Variants in NCAM2 observed in about 807,000 individuals in gnomAD.
The protein encoded by NCAM2 is neural cell adhesion molecule 2.
Under a neutral mutation model 98.1 loss-of-function variants are expected in NCAM2, and 30 were observed. The observed-to-expected ratio is 0.31, with a 90% confidence interval of 0.23 to 0.41. The LOEUF is 0.41. Among genes scored for constraint, NCAM2 ranks in the 10% least tolerant of loss-of-function variants. The probability of loss-of-function intolerance (pLI) is 1.00; values close to 1 mark genes in which losing one functional copy is unlikely to be tolerated. For missense variants in NCAM2, 867 were observed against 1,005.8 expected (o/e 0.86, Z 1.87); for synonymous variants, 368 against 342.4 (o/e 1.07, Z -0.83).
chr21:21,452,658 T>TTA (rs1262371085), intron 12 of NCAM2, among the ~76,000 whole-genome samples: 1 of 111,570 alleles, frequency 9.0e-6, no homozygotes, highest in African/African-American at 3.6e-5. Flanking sequence ...AATATATATA[T>TTA]TATATATATT....
intron 16 of NCAM2, among the ~76,000 whole-genome samples, chr21:21,510,823 C>T (rs902073876): frequency 6.6e-6 from 1 of 151,928 alleles, no homozygotes; most frequent in African/African-American, 2.4e-5. Flanking sequence ...TAGCTATTAT[C>T]AGTGTACAGT....
intron 12 of NCAM2, among the ~76,000 whole-genome samples, chr21:21,457,793 C>T (rs1167258611): frequency 2.6e-5 from 4 of 151,984 alleles, no homozygotes; most frequent in Non-Finnish European, 5.9e-5. Flanking sequence ...TTCCTGACTG[C>T]TTATATTAAA....
intron 1 of NCAM2, among the ~76,000 whole-genome samples, chr21:21,180,038 C>T (rs2068419200): frequency 6.6e-6 from 1 of 152,178 alleles, no homozygotes; most frequent in Non-Finnish European, 1.5e-5. Flanking sequence ...CACTTGCCAT[C>T]TGGGAGATCA....
intron 9 of NCAM2, among the ~76,000 whole-genome samples, chr21:21,381,019 C>A (rs189121792): frequency 1.2e-4 from 18 of 152,250 alleles, no homozygotes; most frequent in Admixed American, 3.3e-4. Flanking sequence ...TTACTTTTAA[C>A]CTGTCTGCAT....
chr21:21,243,393 G>A (rs1280872602), intron 1 of NCAM2, among the ~76,000 whole-genome samples: 1 of 152,160 alleles, frequency 6.6e-6, no homozygotes, highest in Non-Finnish European at 1.5e-5. Context: ...GTTTAGCAGA[G>A]GTTCAGTTAT....
At position 21,280,601 on chromosome 21, in the gene NCAM2, C is replaced by T. The variant is rs2072894851; in HGVS notation, c.79C>T (p.Leu27Phe). 6.3e-7 allele frequency: 1 copy of T among 1,599,140 alleles called. No homozygotes were observed. Among genetic ancestry groups the T allele is most frequent in the Non-Finnish European group, 8.5e-7 (1 of 1,174,326 alleles). Residue 27 changes from leucine (L) to phenylalanine (F), a missense_variant, in exon 2 of 18, where the codon CTT becomes TTT. Physicochemically the swap from Leu to Phe is conservative, Grantham distance 22. Coordinates refer to ENST00000400546, the MANE Select transcript of NCAM2 (RefSeq NM_004540.5). Reference sequence around the variant, plus strand: ...AGCTCTTCTTCAAGTGACAATTTCACTTAGCAAAGTAGAGCTTAGTGTTGG... The same window carrying T: ...AGCTCTTCTTCAAGTGACAATTTCATTTAGCAAAGTAGAGCTTAGTGTTGG... ...GQALLQVTIS[L>F]SKVELSVGES...
rs541345346 is a variant in NCAM2 at position 21,339,672 on chromosome 21, A to G, written c.1044+1138A>G. ...ATAACTTTGATTTATTAACATTGATAGTAAAAAAGAGAAGAATAAATGTTT... is the reference window on the plus strand; with the variant it reads ...ATAACTTTGATTTATTAACATTGATGGTAAAAAAGAGAAGAATAAATGTTT... On this transcript the variant is annotated intron_variant, in intron 8 of 17. Coordinates refer to ENST00000400546, the MANE Select transcript of NCAM2 (RefSeq NM_004540.5). 1.3e-3 allele frequency among the ~76,000 whole-genome samples: 191 copies of G among 152,070 alleles called. 1 individual carries two copies. Among genetic ancestry groups the G allele is most frequent in the Non-Finnish European group, 2.2e-3 (146 of 67,826 alleles).
At chr21:21,480,363 T>C (rs1447726527) in intron 15 of NCAM2, among the ~76,000 whole-genome samples, 10 of 84,498 alleles carry the variant, frequency 1.2e-4, no homozygotes, top group African/African-American at 9.2e-4. Flanking sequence ...CGAGACTCCA[T>C]CTCAAAAAAA....
At chr21:21,115,663 T>C (rs1276699780) in intron 1 of NCAM2, among the ~76,000 whole-genome samples, 2 of 152,330 alleles carry the variant, frequency 1.3e-5, no homozygotes, top group Non-Finnish European at 2.9e-5. Flanking sequence ...AACTTCCTGG[T>C]AGCTATTTTA....
At chr21:21,016,357 A>C (rs1474602822) in intron 1 of NCAM2, among the ~76,000 whole-genome samples, 1 of 152,230 alleles carries the variant, frequency 6.6e-6, no homozygotes, top group Non-Finnish European at 1.5e-5. Context: ...GCCAACGTTT[A>C]TAAAGTTCTT....
chr21:21,052,227 C>T (rs2146298549), intron 1 of NCAM2, among the ~76,000 whole-genome samples: 1 of 139,098 alleles, frequency 7.2e-6, no homozygotes, highest in African/African-American at 2.7e-5. Context: ...GCACTGGCAA[C>T]ATCTCGGCCC....
intron 3 of NCAM2, among the ~76,000 whole-genome samples, chr21:21,284,870 C>A (rs915331203): frequency 3.3e-5 from 5 of 151,572 alleles, no homozygotes; most frequent in Admixed American, 1.3e-4. Context: ...AGTCAGGATT[C>A]TTTACCACTA....
intron 1 of NCAM2, among the ~76,000 whole-genome samples, chr21:21,123,448 C>G (rs2066719294): frequency 1.3e-5 from 2 of 151,726 alleles, no homozygotes. Context: ...TTTAAAAACA[C>G]AGTAAATTAT....
intron 1 of NCAM2, among the ~76,000 whole-genome samples, chr21:21,125,024 T>C (rs1239472674): frequency 6.6e-6 from 1 of 152,118 alleles, no homozygotes; most frequent in Non-Finnish European, 1.5e-5. Flanking sequence ...TAATAAATGC[T>C]CAAAACTCAC....
At chr21:21,026,937 A>G (rs989285385) in intron 1 of NCAM2, among the ~76,000 whole-genome samples, 14 of 149,676 alleles carry the variant, frequency 9.4e-5, no homozygotes, top group South Asian at 4.2e-4. Context: ...GCTCACCACA[A>G]CCTCCACCTC....
chr21:21,431,676 A>G (rs1054841563), intron 11 of NCAM2, among the ~76,000 whole-genome samples: 2 of 152,128 alleles, frequency 1.3e-5, no homozygotes, highest in Non-Finnish European at 1.5e-5. Context: ...AAGAAAATAC[A>G]TTTTGTATTT....
chr21:21,452,104 ATCTC>A (rs1981174289), intron 12 of NCAM2, among the ~76,000 whole-genome samples: 1 of 149,312 alleles, frequency 6.7e-6, no homozygotes, highest in Non-Finnish European at 1.5e-5. Context: ...TAGTGACTTT[ATCTC>A]TTATGTTATG....
intron 1 of NCAM2, among the ~76,000 whole-genome samples, chr21:21,218,997 C>T (rs1224278824): frequency 1.3e-5 from 2 of 152,198 alleles, no homozygotes; most frequent in East Asian, 1.9e-4. Context: ...GAGCTGAAAT[C>T]GTGCCATTGC....
intron 12 of NCAM2, among the ~76,000 whole-genome samples, chr21:21,440,556 C>A (rs1314128197): frequency 6.6e-6 from 1 of 151,984 alleles, no homozygotes; most frequent in East Asian, 1.9e-4. Context: ...TGGCAGGCGC[C>A]TGTGGTCCCA....
Sources: gnomAD v4.1 joint callset for allele counts (sites outside exome capture counted in the v4.1 genomes callset) on GRCh38, gnomAD v4.1.1 for gene constraint, MANE v1.5 for transcripts, NCBI Gene and HGNC (gene_info 2026-07-23, HGNC 2026-07-21) for gene names.